Variants in SUFU observed in about 807,000 individuals in gnomAD.
SUFU encodes suppressor of fused homolog.
Under a neutral mutation model 58.9 loss-of-function variants are expected in SUFU, and 7 were observed. The ratio of observed to expected loss-of-function variants is 0.12; its 90% CI spans 0.07 to 0.22. The LOEUF is 0.22. Among genes scored for constraint, SUFU ranks in the 10% least tolerant of loss-of-function variants. SUFU has a pLI of 1.00. For synonymous variants in SUFU, 232 were observed against 254.8 expected, an observed-to-expected ratio of 0.91 and a Z score of 0.85; for missense variants, 451 against 641.3, an observed-to-expected ratio of 0.70 and a Z score of 3.20.
chr10:102,577,671 G>A (rs1187543720), intron 3 of SUFU, among the ~76,000 whole-genome samples: 3 of 147,128 alleles, frequency 2.0e-5, no homozygotes, highest in Non-Finnish European at 4.5e-5. Context: ...ATGTATATAG[G>A]ACTACGAGTT....
intron 2 of SUFU, among the ~76,000 whole-genome samples, chr10:102,509,692 C>T (rs888824043): frequency 6.6e-6 from 1 of 152,208 alleles, no homozygotes; most frequent in Non-Finnish European, 1.5e-5. Flanking sequence ...AGTGAACACT[C>T]ATATACCCAC....
At chr10:102,554,873 C>T (rs1353770853) in intron 3 of SUFU, among the ~76,000 whole-genome samples, 1 of 152,194 alleles carries the variant, frequency 6.6e-6, no homozygotes, top group African/African-American at 2.4e-5. Context: ...ATGAAGTTAT[C>T]GAGAGGTGAA....
At chr10:102,540,616 A>G (rs1035984717) in intron 2 of SUFU, among the ~76,000 whole-genome samples, 2 of 151,916 alleles carry the variant, frequency 1.3e-5, no homozygotes, top group African/African-American at 4.8e-5. Context: ...ACACCACTGC[A>G]CTCCAGCCTG....
rs572006247 is a variant in SUFU at position 102,617,132 on chromosome 10, A to G, written c.1158-158A>G. Among the ~76,000 whole-genome samples, 3 of 152,308 alleles carry G rather than the reference A, an allele frequency of 2.0e-5. No homozygotes were observed. Among genetic ancestry groups the G allele is most frequent in the African/African-American group, 7.2e-5 (3 of 41,568 alleles). ...AAGGTGTTGAAATGAGCGTGTTTGG[A>G]TACAGTCCCCTGTTGATGGGCAGGT... On this transcript the variant is annotated intron_variant, in intron 9 of 11. Transcript: ENST00000369902. This position sits in a 1 kb window ranked among gnomAD's most constrained non-coding sequence, Gnocchi z 4.4.
At position 102,569,126 on chromosome 10, in the gene SUFU, C is replaced by T. The variant is rs185872583; in HGVS notation, c.454+19020C>T. Among the ~76,000 whole-genome samples, 499 of 151,542 alleles carry T rather than the reference C, an allele frequency of 3.3e-3. 5 individuals carry two copies. Among genetic ancestry groups the T allele is most frequent in the African/African-American group, 0.011 (468 of 41,248 alleles). Reference sequence around the variant, plus strand: ...TGTTGCCCATATATGAACATCTTGGCAACTGCGTCCAATTATCTCAGGATC... The same window carrying T: ...TGTTGCCCATATATGAACATCTTGGTAACTGCGTCCAATTATCTCAGGATC... On this transcript the variant is annotated intron_variant, in intron 3 of 11. Coordinates refer to ENST00000369902, the MANE Select transcript of SUFU (RefSeq NM_016169.4).
chr10:102,521,406 C>T (rs1487655576), intron 2 of SUFU, among the ~76,000 whole-genome samples: 1 of 152,154 alleles, frequency 6.6e-6, no homozygotes, highest in East Asian at 1.9e-4. Context: ...TTCTTTTGGT[C>T]ACTTCTCAAG....
At chr10:102,505,341 C>A (rs917229294) in intron 1 of SUFU, among the ~76,000 whole-genome samples, 1 of 152,214 alleles carries the variant, frequency 6.6e-6, no homozygotes, top group African/African-American at 2.4e-5. Flanking sequence ...TGGAAAAGAA[C>A]CTGTCCTCAA....
At chr10:102,571,859 C>T (rs770466501) in intron 3 of SUFU, among the ~76,000 whole-genome samples, 36 of 152,252 alleles carry the variant, frequency 2.4e-4, no homozygotes, top group Middle Eastern at 3.4e-3. Flanking sequence ...TGTTCATATA[C>T]AGGCTGCATT....
chr10:102,590,025 A>G (rs911478715), intron 3 of SUFU, among the ~76,000 whole-genome samples: 7 of 151,650 alleles, frequency 4.6e-5, no homozygotes, highest in African/African-American at 1.7e-4. Flanking sequence ...TGACATGATC[A>G]TGTAGTAATT....
At chr10:102,504,737 A>T (rs997503262) in intron 1 of SUFU, among the ~76,000 whole-genome samples, 3 of 149,126 alleles carry the variant, frequency 2.0e-5, no homozygotes, top group Non-Finnish European at 4.4e-5. Context: ...GGAGCATTTG[A>T]GAGGGCTTTG....
rs544996884 is a variant in SUFU at position 102,505,004 on chromosome 10, C to G, written c.182+670C>G. 2.8e-4 allele frequency among the ~76,000 whole-genome samples: 42 copies of G among 152,256 alleles called. No individual in the cohort carries two copies. The Middle Eastern group carries it at 0.01, about 37-fold the overall frequency. On this transcript the variant is annotated intron_variant, in intron 1 of 11. Transcript: ENST00000369902. Reference sequence around the variant, plus strand: ...CTTACTCTGCACTGTTCTCTTTCTCCGTGCAGAGCTTCCTCCTAGCTCTGC... The same window carrying G: ...CTTACTCTGCACTGTTCTCTTTCTCGGTGCAGAGCTTCCTCCTAGCTCTGC...
chr10:102,510,731 G>A (rs534062235), intron 2 of SUFU, among the ~76,000 whole-genome samples: 10 of 152,274 alleles, frequency 6.6e-5, no homozygotes, highest in African/African-American at 2.2e-4. Context: ...GCTGAGGCAC[G>A]AGAATCACTT....
intron 2 of SUFU, among the ~76,000 whole-genome samples, chr10:102,520,809 C>T (rs111257280): frequency 1.2e-3 from 185 of 152,274 alleles, no homozygotes; most frequent in African/African-American, 4.1e-3. Flanking sequence ...TAGCTCCTTT[C>T]TTTTTATCAC....
chr10:102,581,858 G>A (rs2063283914), intron 3 of SUFU, among the ~76,000 whole-genome samples: 3 of 152,186 alleles, frequency 2.0e-5, no homozygotes, highest in African/African-American at 4.8e-5. Flanking sequence ...AATGCAAGAG[G>A]AGTGGAGATT....
intron 2 of SUFU, among the ~76,000 whole-genome samples, chr10:102,511,469 A>G (rs149880380): frequency 6.0e-4 from 91 of 152,246 alleles, no homozygotes; most frequent in Middle Eastern, 3.4e-3. Context: ...ATAGCGACCA[A>G]TTCTGGAGAT....
chr10:102,589,430 T>TTTTA (rs2063370934), intron 3 of SUFU, among the ~76,000 whole-genome samples: 3 of 118,636 alleles, frequency 2.5e-5, no homozygotes, highest in Non-Finnish European at 3.4e-5. Flanking sequence ...TCTGGAAGTA[T>TTTTA]TTTCTTTCTT....
chr10:102,615,805 C>A (rs2063680620), intron 9 of SUFU, among the ~76,000 whole-genome samples: 1 of 152,214 alleles, frequency 6.6e-6, no homozygotes, highest in Non-Finnish European at 1.5e-5. Flanking sequence ...TAGCCCAGAG[C>A]AGCAACAGTC....
At chr10:102,524,275 G>A (rs2062583515) in intron 2 of SUFU, among the ~76,000 whole-genome samples, 1 of 150,098 alleles carries the variant, frequency 6.7e-6, no homozygotes, top group South Asian at 2.1e-4. Flanking sequence ...AAAGTGCTGA[G>A]ATTACAGACA....
intron 3 of SUFU, among the ~76,000 whole-genome samples, chr10:102,559,749 T>G (rs1266353555): frequency 2.0e-5 from 3 of 152,226 alleles, no homozygotes. Flanking sequence ...AGGGCTTGAT[T>G]TCTGAACTGT....
Sources: allele counts gnomAD v4.1 joint callset (sites outside exome capture counted in the v4.1 genomes callset), GRCh38; gene constraint gnomAD v4.1.1; non-coding constraint Gnocchi (gnomAD v3.1); transcripts MANE v1.5; gene names NCBI Gene and HGNC (gene_info 2026-07-23, HGNC 2026-07-21).